Variants in GRIK4 observed in about 807,000 individuals in gnomAD.
The protein encoded by GRIK4 is glutamate receptor ionotropic, kainate 4.
Under a neutral mutation model 104.9 loss-of-function variants are expected in GRIK4, and 40 were observed. The observed-to-expected ratio is 0.38, with a 90% confidence interval of 0.30 to 0.50. The LOEUF (loss-of-function observed/expected upper bound fraction) is 0.50. GRIK4 is among the 20% of genes least tolerant of loss of function. The pLI, the probability that GRIK4 is intolerant of heterozygous loss-of-function variation, is 0.93. For missense variants in GRIK4, 1,047 were observed against 1,308.1 expected, an observed-to-expected ratio of 0.80 and a Z score of 3.08; for synonymous variants, 485 against 524.9, an observed-to-expected ratio of 0.92 and a Z score of 1.04.
chr11:120,684,176 A>T (rs1204834788), intron 3 of GRIK4, among the ~76,000 whole-genome samples: 1 of 152,034 alleles, frequency 6.6e-6, no homozygotes, highest in Non-Finnish European at 1.5e-5. Flanking sequence ...AAATAAAATT[A>T]GTTGGGCGTA....
At chr11:120,609,123 C>T (rs902253610) in intron 1 of GRIK4, among the ~76,000 whole-genome samples, 1 of 152,174 alleles carries the variant, frequency 6.6e-6, no homozygotes, top group Non-Finnish European at 1.5e-5. Context: ...CCCAACCCTG[C>T]GTGCTCCCAG....
rs1942792626 is a variant in GRIK4, at chr11:120,903,408, A to G, written c.1273-1882A>G. ...CCCTTCTCTCTGTGAACCCACCCATACCCTCTACCTCACCTCCAGGCTCAG... is the reference window on the plus strand; with the variant it reads ...CCCTTCTCTCTGTGAACCCACCCATGCCCTCTACCTCACCTCCAGGCTCAG... On this transcript the variant is annotated intron_variant, in intron 12 of 20. Transcript: ENST00000527524. This position sits in a 1 kb window ranked among gnomAD's most constrained non-coding sequence, Gnocchi z 4.4. Among the ~76,000 whole-genome samples, 1 of 150,318 alleles carries G rather than the reference A, an allele frequency of 6.7e-6. No homozygotes were observed. The highest frequency in any genetic ancestry group is 3.4e-3 in the Middle Eastern group (1 of 294).
intron 3 of GRIK4, among the ~76,000 whole-genome samples, chr11:120,663,348 A>G (rs913485367): frequency 6.6e-6 from 1 of 152,208 alleles, no homozygotes; most frequent in Non-Finnish European, 1.5e-5. Context: ...GGCCAAGGTC[A>G]CCTGACAAGT....
At chr11:120,843,538 G>A (rs542805800) in intron 8 of GRIK4, among the ~76,000 whole-genome samples, 21 of 152,344 alleles carry the variant, frequency 1.4e-4, no homozygotes, top group South Asian at 4.1e-4. Context: ...TGATATTTAC[G>A]TGAGTAAGTG....
chr11:120,902,883 G>A lies in GRIK4; in HGVS notation c.1273-2407G>A, dbSNP rs955498533. Among the ~76,000 whole-genome samples the A allele has an allele frequency of 6.6e-6, 1 of 152,124 alleles. No individual in the cohort carries two copies. Among genetic ancestry groups the A allele is most frequent in the Admixed American group, 6.5e-5 (1 of 15,274 alleles). On this transcript the variant is annotated intron_variant, in intron 12 of 20. Transcript: ENST00000527524. This position sits in a 1 kb window ranked among gnomAD's most constrained non-coding sequence, Gnocchi z 4.5. ...GGCGTGTGTGGAAGGCAGGCTGACC[G>A]TTCCTATCTCATTGACGTGACAGTG...
intron 2 of GRIK4, 123 bp from the exon 3 acceptor site, chr11:120,660,146 G>T: frequency 1.7e-6 from 1 of 596,534 alleles, no homozygotes; most frequent in Admixed American, 3.0e-5. Context: ...AGCCTTCTTT[G>T]AGCCCGGCAT....
At chr11:120,888,580 A>C (rs544870232) in intron 11 of GRIK4, among the ~76,000 whole-genome samples, 2 of 152,350 alleles carry the variant, frequency 1.3e-5, no homozygotes, top group African/African-American at 4.8e-5. Flanking sequence ...ATATTTATTG[A>C]GAACCAGTTA....
rs76572781 is a variant in GRIK4, at chr11:120,684,992, TG to T, written c.82+24594del. Reference sequence around the variant, plus strand: ...GATTACAGGCATGAGCCACCACACCTGGCCATAAAGGTGCTTTTTAAGCTGT... The same window carrying T: ...GATTACAGGCATGAGCCACCACACCTGCCATAAAGGTGCTTTTTAAGCTGT... On this transcript the variant is annotated intron_variant, in intron 3 of 20. Transcript: ENST00000527524. 7.4e-3 allele frequency among the ~76,000 whole-genome samples: 1,126 copies of T among 152,276 alleles called. 50 individuals are homozygous for T. In the East Asian group the frequency reaches 0.12, roughly 16 times the overall value.
At chr11:120,770,988 G>T (rs1951930272) in intron 3 of GRIK4, among the ~76,000 whole-genome samples, 1 of 152,166 alleles carries the variant, frequency 6.6e-6, no homozygotes. Flanking sequence ...AGCCCAAATG[G>T]ACTGTAACAG....
At chr11:120,574,860 A>G (rs1297544863) in intron 1 of GRIK4, among the ~76,000 whole-genome samples, 2 of 152,156 alleles carry the variant, frequency 1.3e-5, no homozygotes, top group Non-Finnish European at 2.9e-5. Context: ...TCTCTGTTTA[A>G]TAAGAATTCA....
intron 1 of GRIK4, among the ~76,000 whole-genome samples, chr11:120,542,401 T>G (rs755332050): frequency 6.6e-6 from 1 of 152,154 alleles, no homozygotes; most frequent in African/African-American, 2.4e-5. Flanking sequence ...TTGCCAGTGA[T>G]TTTTTGGGTA....
At chr11:120,825,092 C>T (rs1336256304) in intron 6 of GRIK4, among the ~76,000 whole-genome samples, 6 of 149,438 alleles carry the variant, frequency 4.0e-5, no homozygotes, top group African/African-American at 1.5e-4. Context: ...GCTCAGCTAA[C>T]TTTTTGTATT....
intron 3 of GRIK4, among the ~76,000 whole-genome samples, chr11:120,723,027 A>C (rs1326153226): frequency 6.6e-6 from 1 of 152,172 alleles, no homozygotes; most frequent in Admixed American, 6.5e-5. Context: ...TGAAGTTTAA[A>C]ATGTTTTGCA....
At position 120,956,879 on chromosome 11, in the gene GRIK4, G is replaced by T. The variant is rs752016295; in HGVS notation, c.1800G>T (p.Pro600=). Residue 600 remains proline, a synonymous_variant, in exon 16 of 21, where the codon CCG becomes CCT. Transcript: ENST00000527524. The surrounding 1 kb of genome is among the most constrained non-coding windows in gnomAD (Gnocchi z 4.6). Reference sequence around the variant, plus strand: ...CCCTGGGCAACAGCCTCTGGTTTCCGGTCGGGGGGTTCATGCAGCAAGGCT... The same window carrying T: ...CCCTGGGCAACAGCCTCTGGTTTCCTGTCGGGGGGTTCATGCAGCAAGGCT... ...QYSLGNSLWF[P]VGGFMQQGST... The T allele has an allele frequency of 1.2e-6, 2 of 1,613,994 alleles. No individual in the cohort carries two copies. Among genetic ancestry groups the T allele is most frequent in the South Asian group, 1.1e-5 (1 of 91,042 alleles).
At chr11:120,553,978 A>G (rs1948164088) in intron 1 of GRIK4, among the ~76,000 whole-genome samples, 2 of 152,076 alleles carry the variant, frequency 1.3e-5, no homozygotes, top group Non-Finnish European at 2.9e-5. Context: ...CAAAACAGAG[A>G]AGCCACTTTG....
intron 11 of GRIK4, among the ~76,000 whole-genome samples, chr11:120,893,843 C>T (rs1942489187): frequency 6.6e-6 from 1 of 152,154 alleles, no homozygotes; most frequent in South Asian, 2.1e-4. Context: ...TGAGCATGGG[C>T]GGGCACTGAA....
chr11:120,808,184 A>G (rs1256854172), intron 4 of GRIK4, among the ~76,000 whole-genome samples: 1 of 152,222 alleles, frequency 6.6e-6, no homozygotes, highest in Non-Finnish European at 1.5e-5. Context: ...TCCTGGCTTC[A>G]GTGTAGAGCA....
Position 120,903,445 on chromosome 11 carries a change from AC to A in GRIK4, c.1273-1841del, listed in dbSNP as rs536428788. ...ACCTCCAGGCTCAGGCCTCAACCTC[AC>A]CCCGCCCCACCCTGCCTCCACCCTG... On this transcript the variant is annotated intron_variant, in intron 12 of 20. Coordinates refer to ENST00000527524, the MANE Select transcript of GRIK4 (RefSeq NM_014619.5). This position sits in a 1 kb window ranked among gnomAD's most constrained non-coding sequence, Gnocchi z 4.4. Among the ~76,000 whole-genome samples, 37 of 148,714 alleles carry A rather than the reference AC, an allele frequency of 2.5e-4. No homozygotes were observed. Among genetic ancestry groups the A allele is most frequent in the African/African-American group, 8.4e-4 (34 of 40,310 alleles).
Position 120,819,681 on chromosome 11 carries a change from G to A in GRIK4, c.346-74G>A. 1.4e-6 allele frequency: 2 copies of A among 1,412,430 alleles called. No homozygotes were observed. Among genetic ancestry groups the A allele is most frequent in the Non-Finnish European group, 2.0e-6 (2 of 1,000,528 alleles). The allele number at this position is 1,412,430 out of a possible 1,614,324, so 87.5% of individuals were successfully genotyped here. ...AAAGAACTCACCCTCCACAACCTCAGCTCACTCATCCCTCTTTCTTCCTTT... is the reference window on the plus strand; with the variant it reads ...AAAGAACTCACCCTCCACAACCTCAACTCACTCATCCCTCTTTCTTCCTTT... On this transcript the variant is annotated intron_variant, in intron 5 of 20. Coordinates refer to ENST00000527524, the MANE Select transcript of GRIK4 (RefSeq NM_014619.5). This position sits in a 1 kb window ranked among gnomAD's most constrained non-coding sequence, Gnocchi z 4.3.
Sources: allele counts gnomAD v4.1 joint callset (sites outside exome capture counted in the v4.1 genomes callset), GRCh38; gene constraint gnomAD v4.1.1; non-coding constraint Gnocchi (gnomAD v3.1); transcripts MANE v1.5; gene names NCBI Gene and HGNC (gene_info 2026-07-23, HGNC 2026-07-21).